MYO6: variants seen among roughly 807,000 people sequenced by gnomAD.
The protein encoded by MYO6 is myosin VI, also known as unconventional myosin-VI.
MYO6 carries 74 observed loss-of-function variants against 178.7 expected under a neutral mutation model. The ratio of observed to expected loss-of-function variants is 0.41; its 90% CI spans 0.34 to 0.50. The LOEUF (loss-of-function observed/expected upper bound fraction) is 0.50. Ranked by LOEUF, MYO6 falls within the 20% of genes least tolerant of loss-of-function variation. The pLI, the probability that MYO6 is intolerant of heterozygous loss-of-function variation, is 0.09. For missense variants in MYO6, 1,330 were observed against 1,547.4 expected (o/e 0.86, Z 2.36); for synonymous variants, 477 against 504.6 (o/e 0.95, Z 0.73).
At chr6:75,824,554 A>G (rs1238170970) in intron 3 of MYO6, among the ~76,000 whole-genome samples, 2 of 151,900 alleles carry the variant, frequency 1.3e-5, no homozygotes, top group East Asian at 1.9e-4. Context: ...ACACTTGCAC[A>G]CACACACACA....
At chr6:75,858,027 T>A (rs1775867915) in intron 13 of MYO6, among the ~76,000 whole-genome samples, 1 of 152,000 alleles carries the variant, frequency 6.6e-6, no homozygotes, top group Non-Finnish European at 1.5e-5. Flanking sequence ...TTTTAAACTT[T>A]ATAATTCTCT....
intron 8 of MYO6, 61 bp from the exon 9 acceptor site, chr6:75,841,153 G>A: frequency 6.8e-7 from 1 of 1,465,584 alleles, no homozygotes; most frequent in South Asian, 1.2e-5. Context: ...TTTAACATTG[G>A]TTAATTATAT....
At chr6:75,758,579 G>A (rs949501714) in intron 1 of MYO6, among the ~76,000 whole-genome samples, 1 of 151,852 alleles carries the variant, frequency 6.6e-6, no homozygotes, top group Non-Finnish European at 1.5e-5. Flanking sequence ...TCCTGCCTCA[G>A]CCTCCCAAGT....
intron 30 of MYO6, among the ~76,000 whole-genome samples, chr6:75,905,391 C>T (rs556112437): frequency 3.9e-4 from 59 of 152,280 alleles, no homozygotes; most frequent in Non-Finnish European, 4.0e-4. Context: ...TAGGACCCTC[C>T]GAGCCATGTG....
intron 12 of MYO6, among the ~76,000 whole-genome samples, chr6:75,856,376 G>C (rs1019673361): frequency 6.6e-6 from 1 of 152,060 alleles, no homozygotes; most frequent in African/African-American, 2.4e-5. Flanking sequence ...TTCAAGAAAG[G>C]GTTCCATTGC....
intron 1 of MYO6, among the ~76,000 whole-genome samples, chr6:75,755,222 G>C (rs962495824): frequency 6.6e-6 from 1 of 152,158 alleles, no homozygotes; most frequent in Non-Finnish European, 1.5e-5. Flanking sequence ...GACAGAGCAA[G>C]ATCCCGTCTC....
At chr6:75,830,377 G>A (rs370422467) in intron 4 of MYO6, 39 bp from the exon 5 acceptor site, 11 of 1,569,068 alleles carry the variant, frequency 7.0e-6, no homozygotes, top group Non-Finnish European at 9.6e-6. Context: ...AATGAAAATA[G>A]TAATTGGAAT....
intron 1 of MYO6, among the ~76,000 whole-genome samples, chr6:75,757,554 G>A (rs1024155187): frequency 1.3e-5 from 2 of 151,288 alleles, no homozygotes; most frequent in Non-Finnish European, 2.9e-5. Flanking sequence ...AGATGGGAGG[G>A]TATTACTTGC....
At chr6:75,809,574 C>T (rs558851925) in intron 1 of MYO6, among the ~76,000 whole-genome samples, 38 of 152,048 alleles carry the variant, frequency 2.5e-4, no homozygotes, top group African/African-American at 5.3e-4. Flanking sequence ...GAATTACAGG[C>T]GAAGACATAA....
intron 11 of MYO6, among the ~76,000 whole-genome samples, chr6:75,850,192 C>T (rs12211735): frequency 0.13 from 19,762 of 151,898 alleles, 1,360 homozygotes; most frequent in Non-Finnish European, 0.15. Context: ...AGCCCCTACT[C>T]GACCCAGGAA....
chr6:75,895,678 C>T (rs1779244815), intron 29 of MYO6, among the ~76,000 whole-genome samples: 1 of 151,892 alleles, frequency 6.6e-6, no homozygotes, highest in East Asian at 1.9e-4. Flanking sequence ...CCACCACACT[C>T]AGCTAATTTT....
At chr6:75,793,743 T>C (rs1367146476) in intron 1 of MYO6, among the ~76,000 whole-genome samples, 1 of 152,238 alleles carries the variant, frequency 6.6e-6, no homozygotes, top group East Asian at 1.9e-4. Flanking sequence ...TTGGACTTCT[T>C]GATAAACATG....
intron 5 of MYO6, among the ~76,000 whole-genome samples, chr6:75,831,965 A>G (rs1773144554): frequency 6.6e-6 from 1 of 151,904 alleles, no homozygotes; most frequent in Non-Finnish European, 1.5e-5. Flanking sequence ...TATGGTTTGC[A>G]TTCTCCCCTT....
intron 1 of MYO6, among the ~76,000 whole-genome samples, chr6:75,806,545 C>G (rs556862236): frequency 3.9e-4 from 59 of 152,308 alleles, no homozygotes; most frequent in African/African-American, 1.4e-3. Context: ...TGGCCATAAA[C>G]AAAATCTCTG....
Position 75,918,104 on chromosome 6 carries a change from A to G in MYO6, c.*3092A>G, listed in dbSNP as rs888480764. On this transcript the variant is annotated 3_prime_UTR_variant, in exon 35 of 35. Coordinates refer to ENST00000369977, the MANE Select transcript of MYO6 (RefSeq NM_004999.4). Reference sequence around the variant, plus strand: ...TGTAACAAAAAGAACCAAAACAAACACTTTTTAGTGGCACCTGTGGATTTA... The same window carrying G: ...TGTAACAAAAAGAACCAAAACAAACGCTTTTTAGTGGCACCTGTGGATTTA... 3 of 152,194 alleles carry G rather than the reference A, an allele frequency of 2.0e-5. No individual in the cohort carries two copies. The highest frequency in any genetic ancestry group is 6.5e-5 in the Admixed American group (1 of 15,284). The allele number at this position is 152,194 out of a possible 1,614,324, so 9.4% of individuals were successfully genotyped here. A position where few individuals can be genotyped will look rare whatever the true frequency, so the allele number is the denominator to read the frequency against.
chr6:75,885,944 A>G, intron 23 of MYO6, 60 bp from the exon 24 acceptor site: 1 of 999,800 alleles, frequency 1.0e-6, no homozygotes, highest in Non-Finnish European at 1.5e-6. Context: ...GAGTTTTTTT[A>G]ATATATGTTA....
At chr6:75,792,064 A>C (rs964903171) in intron 1 of MYO6, among the ~76,000 whole-genome samples, 5 of 152,194 alleles carry the variant, frequency 3.3e-5, no homozygotes, top group Non-Finnish European at 7.3e-5. Context: ...GTGGCTATGG[A>C]TGAGTCACTT....
intron 30 of MYO6, among the ~76,000 whole-genome samples, chr6:75,903,740 A>G (rs1363710031): frequency 1.3e-5 from 2 of 151,356 alleles, no homozygotes; most frequent in African/African-American, 4.9e-5. Context: ...TAAAGTTAAT[A>G]TTGTTATCTG....
chr6:75,886,857 G>A lies in MYO6; in HGVS notation c.2521G>A (p.Val841Ile), dbSNP rs1451643518. The change falls in exon 25 of 35, where the codon GTT (valine) becomes ATT (isoleucine). Residue 841 changes from valine to isoleucine, a missense_variant. By Grantham distance (29) the Val-to-Ile change is conservative. Transcript: ENST00000369977. ...TTATTTTTACAGCATTGATGGTCTG[G>A]TTAAGGTGGGCACACTGAAAAAACG... ...RRHKPRIDGL[V>I]KVGTLKKRLD... 3 of 1,608,618 alleles carry A rather than the reference G, an allele frequency of 1.9e-6. No individual in the cohort carries two copies. The highest frequency in any genetic ancestry group is 2.5e-6 in the Non-Finnish European group (3 of 1,177,152).
Sources: allele counts gnomAD v4.1 joint callset (sites outside exome capture counted in the v4.1 genomes callset), GRCh38; gene constraint gnomAD v4.1.1; transcripts MANE v1.5; gene names NCBI Gene and HGNC (gene_info 2026-07-23, HGNC 2026-07-21).